RYR1: variants seen among roughly 807,000 people sequenced by gnomAD.
RYR1 encodes the protein ryanodine receptor 1, also known as central core disease of muscle.
In RYR1, 342 loss-of-function variants were observed where a neutral mutation model predicts 583.5. The ratio of observed to expected loss-of-function variants is 0.59; its 90% CI spans 0.54 to 0.64. The LOEUF is 0.64. RYR1 is among the 30% of genes least tolerant of loss of function. The probability of loss-of-function intolerance (pLI) is 0.00; values close to 1 mark genes in which losing one functional copy is unlikely to be tolerated. For missense variants in RYR1, 6,032 were observed against 6,917.2 expected, an observed-to-expected ratio of 0.87 and a Z score of 4.54; for synonymous variants, 2,791 against 2,822.5, an observed-to-expected ratio of 0.99 and a Z score of 0.35.
Position 38,519,072 on chromosome 19 carries a change from A to G in RYR1, c.10019-142A>G, listed in dbSNP as rs1971104049. On this transcript the variant is annotated intron_variant, in intron 66 of 105. Transcript: ENST00000359596. Reference sequence around the variant, plus strand: ...CTATGGCTGGGATCAGTGTTCAGGGACTATATCCAAGGTTAGGGTCAGGCT... The same window carrying G: ...CTATGGCTGGGATCAGTGTTCAGGGGCTATATCCAAGGTTAGGGTCAGGCT... The G allele has an allele frequency of 7.1e-5, 96 of 1,355,618 alleles. 1 individual carries two copies. The South Asian group carries it at 1.1e-3, about 16-fold the overall frequency. The allele number at this position is 1,355,618 out of a possible 1,614,324, so 84.0% of individuals were successfully genotyped here.
intron 21 of RYR1, 57 bp from the exon 22 acceptor site, chr19:38,463,690 A>C: frequency 6.5e-7 from 1 of 1,542,664 alleles, no homozygotes; most frequent in South Asian, 1.1e-5. Flanking sequence ...TAGTCTGGGC[A>C]TGTGGGGAGT....
chr19:38,481,750 C>T (rs886714850), intron 31 of RYR1, among the ~76,000 whole-genome samples: 2 of 152,058 alleles, frequency 1.3e-5, no homozygotes, highest in South Asian at 2.1e-4. Flanking sequence ...AGCGCCACTG[C>T]ACTCCAGCCT....
At chr19:38,504,678 G>C (rs1418331687) in intron 50 of RYR1, 70 bp from the exon 51 acceptor site, 1 of 1,593,208 alleles carries the variant, frequency 6.3e-7, no homozygotes, top group Non-Finnish European at 8.6e-7. Context: ...TGCAGTGTGT[G>C]AGTTTGAGGT....
chr19:38,471,409 G>A (rs1253472876), intron 27 of RYR1, among the ~76,000 whole-genome samples: 5 of 152,044 alleles, frequency 3.3e-5, no homozygotes, highest in Non-Finnish European at 7.4e-5. Context: ...ATGTGCCTGT[G>A]GTCCCAGCCA....
chr19:38,563,886 G>A (rs1973265659), intron 90 of RYR1, among the ~76,000 whole-genome samples: 1 of 152,182 alleles, frequency 6.6e-6, no homozygotes, highest in Admixed American at 6.5e-5. Flanking sequence ...TGTCACCTGG[G>A]CATGTAACTT....
rs1600823563 is a variant in RYR1, at chr19:38,500,430, A to G, written c.7324-176A>G. On this transcript the variant is annotated intron_variant, in intron 45 of 105. Transcript: ENST00000359596. The surrounding 1 kb of genome is among the most constrained non-coding windows in gnomAD (Gnocchi z 5.9). ...ATGAGGTTGGGGGGAACAAGGAGAGAGGTCGGGACTGGGGTGGGGGGGCAC... is the reference window on the plus strand; with the variant it reads ...ATGAGGTTGGGGGGAACAAGGAGAGGGGTCGGGACTGGGGTGGGGGGGCAC... 2.4e-5 allele frequency among the ~76,000 whole-genome samples: 1 copy of G among 42,500 alleles called. No individual in the cohort carries two copies. The highest frequency in any genetic ancestry group is 9.6e-5 in the African/African-American group (1 of 10,424). The allele number at this position is 42,500 out of a possible 152,430, so 27.9% of individuals were successfully genotyped here.
At chr19:38,478,689 A>C (rs1371775671) in intron 31 of RYR1, 89 bp downstream of exon 31, 2 of 1,498,388 alleles carry the variant, frequency 1.3e-6, no homozygotes, top group Non-Finnish European at 1.8e-6. Context: ...GCCAGACCTC[A>C]GAGATGGAAC....
chr19:38,573,194 T>A lies in RYR1; in HGVS notation c.14016T>A (p.Phe4672Leu), dbSNP rs1973802133. ...YNCLKVPLVIFKREKELARKL... is the reference protein window; with the variant it reads ...YNCLKVPLVILKREKELARKL... ...CTATCCAGGTGCCCCTGGTAATCTT[T>A]AAGCGGGAGAAGGAGCTGGCCCGGA... Residue 4672 changes from phenylalanine to leucine, a missense_variant, in exon 96 of 106, where the codon TTT becomes TTA. Phe to Leu is a conservative substitution (Grantham distance 22). Around this residue, in one of 11 missense-constraint regions of RYR1, gnomAD observed 188 missense variants for 215.6 expected, o/e 0.87. Coordinates refer to ENST00000359596, the MANE Select transcript of RYR1 (RefSeq NM_000540.3). The A allele has an allele frequency of 6.8e-6, 11 of 1,613,736 alleles. No homozygotes were observed. The highest frequency in any genetic ancestry group is 9.3e-6 in the Non-Finnish European group (11 of 1,179,744).
In RYR1 at chr19:38,486,109, G is replaced by A. The variant is rs773985391; in HGVS notation, c.5454G>A (p.Ala1818=). The change falls in exon 34 of 106, where the codon GCG becomes GCA. Residue 1818 remains alanine (A), a synonymous_variant. Transcript: ENST00000359596. ...RDKALRMLGE[A]VRDGGQHARD... ...AGGCACTGAGGATGCTGGGGGAGGC[G>A]GTGCGCGACGGTGGGCAGCACGCTC... is the stretch of plus-strand genomic sequence containing the variant. The A allele has an allele frequency of 3.1e-6, 5 of 1,612,894 alleles. No individual in the cohort carries two copies. Among genetic ancestry groups the A allele is most frequent in the Non-Finnish European group, 4.2e-6 (5 of 1,179,704 alleles).
Position 38,510,459 on chromosome 19 carries a change from C to T in RYR1, c.8933-39C>T, listed in dbSNP as rs755648120. ...CATCAGAACACCCTGGGTTCCCCAGCCTTGAACCCACTGTGAACCCTATTT... is the reference window on the plus strand; with the variant it reads ...CATCAGAACACCCTGGGTTCCCCAGTCTTGAACCCACTGTGAACCCTATTT... On this transcript the variant is annotated intron_variant, in intron 58 of 105. Coordinates refer to ENST00000359596, the MANE Select transcript of RYR1 (RefSeq NM_000540.3). 6 of 1,609,704 alleles carry T rather than the reference C, an allele frequency of 3.7e-6. No homozygotes were observed. In the Admixed American group the frequency reaches 1.0e-4, roughly 27 times the overall value.
rs374222028 is a variant in RYR1, at chr19:38,483,340, G to A, written c.4758G>A (p.Pro1586=). 1,664 of 1,560,598 alleles carry A rather than the reference G, an allele frequency of 1.1e-3. 21 individuals carry two copies. The South Asian group carries it at 0.016, about 15-fold the overall frequency. The change falls in exon 33 of 106, where the codon CCG becomes CCA. Residue 1586 remains proline (P), a synonymous_variant. Transcript: ENST00000359596. The surrounding 1 kb of genome is among the most constrained non-coding windows in gnomAD (Gnocchi z 6.3). ...AAMFQSERKN[P]APQCPPRLEM... ...TGTTCCAAAGCGAGCGCAAGAACCCGGCCCCGCAGTGCCCACCGCGGCTGG... is the reference window on the plus strand; with the variant it reads ...TGTTCCAAAGCGAGCGCAAGAACCCAGCCCCGCAGTGCCCACCGCGGCTGG...
At chr19:38,472,103 G>C (rs1232923649) in intron 27 of RYR1, among the ~76,000 whole-genome samples, 1 of 151,736 alleles carries the variant, frequency 6.6e-6, no homozygotes, top group African/African-American at 2.4e-5. Flanking sequence ...CATTGTTTTT[G>C]GTTTTTGTTT....
In RYR1 at chr19:38,446,776, G is replaced by A. The variant is rs1001494927; in HGVS notation, c.800+8G>A. The A allele has an allele frequency of 3.1e-6, 5 of 1,611,608 alleles. No individual in the cohort carries two copies. In the South Asian group the frequency reaches 4.4e-5, roughly 14 times the overall value. ...GGAGCCACTGAGAATCAGGTAGGGC[G>A]GGGAAGATGGGGAGAGACCAGGGAG... On this transcript the variant is annotated splice_region_variant and intron_variant, in intron 9 of 105. Coordinates refer to ENST00000359596, the MANE Select transcript of RYR1 (RefSeq NM_000540.3).
Position 38,502,965 on chromosome 19 carries a change from C to T in RYR1, c.7921C>T (p.Leu2641Phe), listed in dbSNP as rs371447916. The T allele has an allele frequency of 3.7e-6, 6 of 1,609,034 alleles. No individual in the cohort carries two copies. Among genetic ancestry groups the T allele is most frequent in the Non-Finnish European group, 4.2e-6 (5 of 1,180,006 alleles). ...PILNEFAKMP[L>F]KLLTNHYERC... ...CCTCAACGAGTTCGCCAAGATGCCA[C>T]TCAAGGTGAGGGCAAGCGCTCTTTA... The change falls in exon 49 of 106, where the codon CTC becomes TTC. Residue 2641 changes from leucine to phenylalanine, a missense_variant. By Grantham distance (22) the Leu-to-Phe change is conservative. This residue lies in a region of RYR1 where 250 missense variants were observed against 162.3 expected (regional missense o/e 1.54). Transcript: ENST00000359596.
chr19:38,459,191 C>T lies in RYR1; in HGVS notation c.2213C>T (p.Ala738Val). The T allele has an allele frequency of 6.2e-7, 1 of 1,614,084 alleles. No individual in the cohort carries two copies. Among genetic ancestry groups the T allele is most frequent in the East Asian group, 2.2e-5 (1 of 44,880 alleles). Residue 738 changes from alanine to valine, a missense_variant, in exon 19 of 106, where the codon GCC (alanine) becomes GTC (valine). This residue lies in a region of RYR1 where 2,627 missense variants were observed against 2,961.3 expected (regional missense o/e 0.89). Transcript: ENST00000359596. ...ACTTCCCCAGGGCAGCACCTCCTGG[C>T]CCCTGAAGACGTGATCAGCTGCTGC... is the stretch of plus-strand genomic sequence containing the variant. ...PVTSPGQHLL[A>V]PEDVISCCLD... is the part of the protein sequence containing the mutation.
chr19:38,456,981 G>C (rs1385816823), intron 16 of RYR1, among the ~76,000 whole-genome samples: 1 of 139,190 alleles, frequency 7.2e-6, no homozygotes, highest in African/African-American at 2.7e-5. Flanking sequence ...GGGAGGCAGA[G>C]CTTGCAGTGA....
chr19:38,443,435 C>T, intron 3 of RYR1, 123 bp from the exon 4 acceptor site: 1 of 851,802 alleles, frequency 1.2e-6, no homozygotes, highest in Non-Finnish European at 1.9e-6. Context: ...GGCTGTTTTA[C>T]CTCTAGGCCT....
Position 38,457,967 on chromosome 19 carries a change from G to A in RYR1, c.1926-84G>A, listed in dbSNP as rs994089946. The A allele has an allele frequency of 7.9e-6, 11 of 1,393,782 alleles. No individual in the cohort carries two copies. The East Asian group carries it at 1.6e-4, about 20-fold the overall frequency. 86.3% of individuals were successfully genotyped at this position (1,393,782 alleles called of 1,614,324 possible). On this transcript the variant is annotated intron_variant, in intron 17 of 105. Coordinates refer to ENST00000359596, the MANE Select transcript of RYR1 (RefSeq NM_000540.3). ...CATCTCTCTCTCTCTGTCTTTGGATGTCTGTCTCTCTCTGGCTTCCCACCA... is the reference window on the plus strand; with the variant it reads ...CATCTCTCTCTCTCTGTCTTTGGATATCTGTCTCTCTCTGGCTTCCCACCA...
rs879058545 is a variant in RYR1 at position 38,504,816 on chromosome 19, C to T, written c.8136C>T (p.Pro2712=). The change falls in exon 51 of 106, where the codon CCC becomes CCT. Residue 2712 remains proline (P), a synonymous_variant. Transcript: ENST00000359596. ...GCGCCATTGCCGGGGCTCTGCCCCCCGACTATGTGGATGCCTCATACTCAT... is the reference window on the plus strand; with the variant it reads ...GCGCCATTGCCGGGGCTCTGCCCCCTGACTATGTGGATGCCTCATACTCAT... ...CLCAIAGALP[P]DYVDASYSSK... is the part of the protein sequence containing the mutation. 9.9e-6 allele frequency: 16 copies of T among 1,613,976 alleles called. No individual in the cohort carries two copies. Among genetic ancestry groups the T allele is most frequent in the East Asian group, 6.7e-5 (3 of 44,886 alleles).
Sources: gnomAD v4.1 joint callset for allele counts (sites outside exome capture counted in the v4.1 genomes callset) on GRCh38, gnomAD v4.1.1 for gene constraint, gnomAD v4.1.1 regional missense constraint, Gnocchi (gnomAD v3.1) non-coding constraint, MANE v1.5 for transcripts, NCBI Gene and HGNC (gene_info 2026-07-23, HGNC 2026-07-21) for gene names.